The following AUTS2 variants were observed in gnomAD, a reference collection of about 807,000 sequenced individuals.
AUTS2 encodes the protein autism susceptibility gene 2 protein.
Under a neutral mutation model 112.4 loss-of-function variants are expected in AUTS2, and 17 were observed. That is an observed-to-expected ratio of 0.15 (90% CI 0.10 to 0.23). The LOEUF (loss-of-function observed/expected upper bound fraction) is 0.23, where lower values mean the gene tolerates loss of function less well. Ranked by LOEUF, AUTS2 falls within the 10% of genes least tolerant of loss-of-function variation. The probability of loss-of-function intolerance (pLI) is 1.00; values close to 1 mark genes in which losing one functional copy is unlikely to be tolerated. For synonymous variants in AUTS2, 751 were observed against 702.7 expected (o/e 1.07, Z -1.09); for missense variants, 1,510 against 1,701.6 (o/e 0.89, Z 1.98).
At chr7:70,609,416 A>G (rs1256765297) in intron 5 of AUTS2, among the ~76,000 whole-genome samples, 1 of 127,398 alleles carries the variant, frequency 7.8e-6, no homozygotes, top group East Asian at 2.2e-4. Context: ...TTTTTCCGAG[A>G]CAGAGTCTCA....
At chr7:69,911,613 T>C (rs1795362343) in intron 2 of AUTS2, among the ~76,000 whole-genome samples, 1 of 152,094 alleles carries the variant, frequency 6.6e-6, no homozygotes, top group African/African-American at 2.4e-5. Context: ...GGGTAACTCC[T>C]TTCCACAGGC....
chr7:70,494,274 T>C (rs1798361132), intron 5 of AUTS2, among the ~76,000 whole-genome samples: 3 of 152,146 alleles, frequency 2.0e-5, no homozygotes, highest in Admixed American at 1.3e-4. Flanking sequence ...CTTCAGAGTC[T>C]AGGCTTGGGT....
intron 2 of AUTS2, among the ~76,000 whole-genome samples, chr7:70,010,169 A>T (rs1799729707): frequency 6.6e-6 from 1 of 152,052 alleles, no homozygotes; most frequent in South Asian, 2.1e-4. Flanking sequence ...TTTTTGAGAC[A>T]GGGTCTCATT....
intron 4 of AUTS2, among the ~76,000 whole-genome samples, chr7:70,222,718 A>G (rs549505535): frequency 1.3e-5 from 2 of 152,130 alleles, no homozygotes; most frequent in African/African-American, 2.4e-5. Flanking sequence ...TACTGCTTTT[A>G]GAAGCCCCCA....
chr7:70,701,287 G>T (rs1487027309), intron 6 of AUTS2, among the ~76,000 whole-genome samples: 1 of 152,234 alleles, frequency 6.6e-6, no homozygotes, highest in Non-Finnish European at 1.5e-5. Flanking sequence ...GCTGCACAGT[G>T]CGGAGATGAA....
intron 1 of AUTS2, among the ~76,000 whole-genome samples, chr7:69,821,969 A>T (rs2129526412): frequency 6.6e-6 from 1 of 151,616 alleles, no homozygotes; most frequent in Admixed American, 6.6e-5. Flanking sequence ...CTTTAAAGGC[A>T]GAGGGGAGCC....
intron 4 of AUTS2, among the ~76,000 whole-genome samples, chr7:70,426,686 A>G (rs914925827): frequency 6.6e-6 from 1 of 152,164 alleles, no homozygotes; most frequent in African/African-American, 2.4e-5. Context: ...GTAATGAGCT[A>G]TGGCACTTTT....
intron 4 of AUTS2, among the ~76,000 whole-genome samples, chr7:70,252,077 T>C (rs1323251925): frequency 6.6e-6 from 1 of 152,256 alleles, no homozygotes; most frequent in Admixed American, 6.5e-5. Context: ...ACTGTGAATA[T>C]TGCTGCAACG....
intron 1 of AUTS2, among the ~76,000 whole-genome samples, chr7:69,758,945 T>TC (rs1788051592): frequency 6.6e-6 from 1 of 152,192 alleles, no homozygotes. Flanking sequence ...GGGCCTTGTT[T>TC]CTCTCTACAT....
chr7:70,716,718 G>T (rs1449525563), intron 6 of AUTS2, among the ~76,000 whole-genome samples: 1 of 147,674 alleles, frequency 6.8e-6, no homozygotes, highest in Non-Finnish European at 1.5e-5. Flanking sequence ...CCTGTTTGAA[G>T]TATGTCTGGG....
chr7:70,493,722 G>A (rs983564885), intron 5 of AUTS2, among the ~76,000 whole-genome samples: 1 of 152,066 alleles, frequency 6.6e-6, no homozygotes, highest in Admixed American at 6.5e-5. Flanking sequence ...ATTAAAAATT[G>A]TATTAGAAAC....
chr7:69,695,574 T>C (rs538851821), intron 1 of AUTS2, among the ~76,000 whole-genome samples: 2 of 152,296 alleles, frequency 1.3e-5, no homozygotes, highest in African/African-American at 4.8e-5. Flanking sequence ...ATACTCACTT[T>C]AAAAACAAAA....
intron 5 of AUTS2, among the ~76,000 whole-genome samples, chr7:70,578,929 T>TC (rs1802299950): frequency 6.7e-6 from 1 of 149,576 alleles, no homozygotes; most frequent in Non-Finnish European, 1.5e-5. Context: ...TTTCTTTCTT[T>TC]TTTTTTTTTT....
intron 5 of AUTS2, among the ~76,000 whole-genome samples, chr7:70,462,781 A>AC (rs1338190335): frequency 6.6e-6 from 1 of 151,724 alleles, no homozygotes; most frequent in Non-Finnish European, 1.5e-5. Flanking sequence ...ATATGGTGAA[A>AC]CCCCCTCTCT....
At chr7:70,601,153 C>T (rs1803454735) in intron 5 of AUTS2, among the ~76,000 whole-genome samples, 1 of 152,200 alleles carries the variant, frequency 6.6e-6, no homozygotes, top group Non-Finnish European at 1.5e-5. Flanking sequence ...TATGAGAGTT[C>T]CAGTTTCTCC....
chr7:70,773,919 A>G, intron 11 of AUTS2, 109 bp from the exon 12 acceptor site: 6 of 1,041,128 alleles, frequency 5.8e-6, no homozygotes, highest in Non-Finnish European at 8.8e-6. Flanking sequence ...TTCAGAAGGA[A>G]ACAAACAAAT....
chr7:70,724,250 T>C (rs555368441), intron 6 of AUTS2, among the ~76,000 whole-genome samples: 19 of 152,258 alleles, frequency 1.2e-4, no homozygotes, highest in Non-Finnish European at 2.4e-4. Context: ...TATATACCTT[T>C]AGGTGTTTTC....
At chr7:70,333,086 G>A (rs1790832587) in intron 4 of AUTS2, among the ~76,000 whole-genome samples, 1 of 152,124 alleles carries the variant, frequency 6.6e-6, no homozygotes, top group Non-Finnish European at 1.5e-5. Flanking sequence ...CTACTATCCA[G>A]AATCTACAAA....
intron 5 of AUTS2, among the ~76,000 whole-genome samples, chr7:70,668,850 G>A (rs991402114): frequency 3.9e-5 from 6 of 152,220 alleles, no homozygotes; most frequent in South Asian, 2.1e-4. Context: ...ATGCCTCAGC[G>A]CTAGAGGGCT....
Sources: gnomAD v4.1 joint callset for allele counts (sites outside exome capture counted in the v4.1 genomes callset) on GRCh38, gnomAD v4.1.1 for gene constraint, MANE v1.5 for transcripts, NCBI Gene and HGNC (gene_info 2026-07-23, HGNC 2026-07-21) for gene names.